TMEM131: variants seen among roughly 807,000 people sequenced by gnomAD.
TMEM131 encodes transmembrane protein 131.
In TMEM131, 66 loss-of-function variants were observed where a neutral mutation model predicts 211.6. The ratio of observed to expected loss-of-function variants is 0.31; its 90% CI spans 0.26 to 0.38. The LOEUF (loss-of-function observed/expected upper bound fraction) is 0.38, where lower values mean the gene tolerates loss of function less well. Ranked by LOEUF, TMEM131 falls within the 10% of genes least tolerant of loss-of-function variation. The pLI is 1.00. For missense variants in TMEM131, 2,036 were observed against 2,299.3 expected (o/e 0.89, Z 2.34); for synonymous variants, 844 against 841.3 (o/e 1.00, Z -0.06).
chr2:97,934,772 A>T (rs1489530248), intron 1 of TMEM131, among the ~76,000 whole-genome samples: 1 of 152,206 alleles, frequency 6.6e-6, no homozygotes, highest in Non-Finnish European at 1.5e-5. Flanking sequence ...AGCTTTTCCA[A>T]CAAATAGCAC....
intron 32 of TMEM131, 67 bp from the exon 33 acceptor site, chr2:97,772,491 A>G: frequency 6.6e-7 from 1 of 1,504,290 alleles, no homozygotes; most frequent in Non-Finnish European, 9.0e-7. Context: ...TTCCATTTTA[A>G]GATACAGACA....
chr2:97,874,782 A>T (rs1185537558), intron 4 of TMEM131, among the ~76,000 whole-genome samples: 2 of 152,246 alleles, frequency 1.3e-5, no homozygotes, highest in Non-Finnish European at 2.9e-5. Context: ...ACTAAATTGT[A>T]AAGAACATCA....
intron 12 of TMEM131, among the ~76,000 whole-genome samples, chr2:97,816,539 T>TCCAA (rs1681835767): frequency 6.6e-6 from 1 of 152,168 alleles, no homozygotes; most frequent in South Asian, 2.1e-4. Context: ...ATGTGTGTCA[T>TCCAA]CCAACCTCAT....
intron 11 of TMEM131, among the ~76,000 whole-genome samples, chr2:97,829,053 C>T (rs779616607): frequency 4.6e-5 from 7 of 152,214 alleles, no homozygotes; most frequent in African/African-American, 7.2e-5. Flanking sequence ...CTAGACAGTT[C>T]CCCTCTGGAG....
chr2:97,797,080 T>C lies in TMEM131; in HGVS notation c.2871-94A>G, dbSNP rs564552436. The C allele has an allele frequency of 6.7e-4, 860 of 1,290,670 alleles. 4 individuals carry two copies. Among genetic ancestry groups the C allele is most frequent in the Admixed American group, 1.1e-3 (42 of 37,600 alleles). The allele number at this position is 1,290,670 out of a possible 1,614,324, so 80.0% of individuals were successfully genotyped here. A position where few individuals can be genotyped will look rare whatever the true frequency, so the allele number is the denominator to read the frequency against. ...TACTGTTATTTTACAGAGCACCACA[T>C]AGAAATTAAATTTAATGGTGAGAAT... On this transcript the variant is annotated intron_variant, in intron 26 of 40. Coordinates refer to ENST00000186436, the MANE Select transcript of TMEM131 (RefSeq NM_015348.2).
At chr2:97,836,808 T>C (rs1289923728) in intron 8 of TMEM131, among the ~76,000 whole-genome samples, 3 of 152,278 alleles carry the variant, frequency 2.0e-5, no homozygotes, top group African/African-American at 7.2e-5. Flanking sequence ...ACCCATATAA[T>C]TCGGAGGAAG....
intron 11 of TMEM131, among the ~76,000 whole-genome samples, chr2:97,823,827 T>C (rs1482389675): frequency 6.6e-6 from 1 of 152,186 alleles, no homozygotes; most frequent in Non-Finnish European, 1.5e-5. Flanking sequence ...CCCAACTCCC[T>C]TGGGGGTCAA....
chr2:97,894,621 G>C (rs1260598047), intron 3 of TMEM131, among the ~76,000 whole-genome samples: 1 of 152,072 alleles, frequency 6.6e-6, no homozygotes, highest in African/African-American at 2.4e-5. Flanking sequence ...TGGATTCCTA[G>C]GTATTTTGTT....
At chr2:97,816,425 A>C (rs1208651790) in intron 12 of TMEM131, among the ~76,000 whole-genome samples, 2 of 152,212 alleles carry the variant, frequency 1.3e-5, no homozygotes, top group Non-Finnish European at 2.9e-5. Flanking sequence ...TACCCATTAG[A>C]TGGTTCTTTT....
chr2:97,917,235 A>C lies in TMEM131; in HGVS notation c.250-8537T>G, dbSNP rs1257907547. ...TTCACACTACGATGACCAAAGTTGAATAGTTGTGATAGAGACCATTCGGGA... is the reference window on the plus strand; with the variant it reads ...TTCACACTACGATGACCAAAGTTGACTAGTTGTGATAGAGACCATTCGGGA... On this transcript the variant is annotated intron_variant, in intron 2 of 40. Coordinates refer to ENST00000186436, the MANE Select transcript of TMEM131 (RefSeq NM_015348.2). Among the ~76,000 whole-genome samples, 5 of 152,342 alleles carry C rather than the reference A, an allele frequency of 3.3e-5. No homozygotes were observed. In the South Asian group the frequency reaches 8.3e-4, roughly 25 times the overall value.
chr2:97,787,106 T>C (rs760278880), intron 31 of TMEM131, among the ~76,000 whole-genome samples: 4 of 152,244 alleles, frequency 2.6e-5, no homozygotes, highest in Non-Finnish European at 5.9e-5. Flanking sequence ...TTGTTTTATA[T>C]GTGCTATGAT....
rs978247844 is a variant in TMEM131, at chr2:97,946,682, C to T, written c.188-19195G>A. ...ATTTAAGGGGAAAAAAAAAATCATA[C>T]GCAAACTCTCCCAGAAACAGGAGAA... is the stretch of plus-strand genomic sequence containing the variant. On this transcript the variant is annotated intron_variant, in intron 1 of 40. Transcript: ENST00000186436. Among the ~76,000 whole-genome samples the T allele has an allele frequency of 4.6e-5, 7 of 151,696 alleles. 1 individual carries two copies. Among genetic ancestry groups the T allele is most frequent in the African/African-American group, 4.8e-5 (2 of 41,432 alleles).
rs749308250 is a variant in TMEM131 at position 97,760,839 on chromosome 2, G to T, written c.4965C>A (p.Gly1655=). 6.2e-6 allele frequency: 10 copies of T among 1,613,934 alleles called. No individual in the cohort carries two copies. Among genetic ancestry groups the T allele is most frequent in the African/African-American group, 1.3e-5 (1 of 74,950 alleles). ...TKAASLPGKN[G]NPTFAAVTAG... ...CCGTGACTGCAGCAAAAGTGGGGTT[G>T]CCGTTCTTGCCCGGGAGCGAGGCTG... is the stretch of plus-strand genomic sequence containing the variant. The change falls in exon 37 of 41, where the codon GGC becomes GGA. Residue 1655 remains glycine (G), a synonymous_variant. Coordinates refer to ENST00000186436, the MANE Select transcript of TMEM131 (RefSeq NM_015348.2).
intron 15 of TMEM131, among the ~76,000 whole-genome samples, chr2:97,813,075 G>A (rs564878850): frequency 1.4e-4 from 22 of 152,280 alleles, no homozygotes; most frequent in African/African-American, 4.8e-4. Flanking sequence ...CATAGTTGAG[G>A]GCTTTGTATG....
chr2:97,767,308 G>T (rs1012548471), intron 33 of TMEM131, among the ~76,000 whole-genome samples: 1 of 152,204 alleles, frequency 6.6e-6, no homozygotes, highest in Non-Finnish European at 1.5e-5. Flanking sequence ...AGCTCAATAA[G>T]TGAGGTAGGA....
intron 31 of TMEM131, among the ~76,000 whole-genome samples, chr2:97,790,517 G>A (rs1215283879): frequency 6.6e-6 from 1 of 152,118 alleles, no homozygotes; most frequent in Non-Finnish European, 1.5e-5. Flanking sequence ...AAATTAAAAA[G>A]CATTTCATTT....
rs142297563 is a variant in TMEM131, at chr2:97,760,628, A to G, written c.5073T>C (p.Ile1691=). 6.2e-7 allele frequency: 1 copy of G among 1,613,204 alleles called. No individual in the cohort carries two copies. Among genetic ancestry groups the G allele is most frequent in the African/African-American group, 1.3e-5 (1 of 75,050 alleles). ...NKTGFSSSLG[I]SHAPVDSDGS... is the part of the protein sequence containing the mutation. ...CATCGCTGTCAACAGGAGCGTGTGA[A>G]ATGCCAAGGCTGCTGGAGAAACCTG... The change falls in exon 38 of 41, where the codon ATT becomes ATC. Residue 1691 remains isoleucine, a synonymous_variant. Coordinates refer to ENST00000186436, the MANE Select transcript of TMEM131 (RefSeq NM_015348.2).
intron 36 of TMEM131, chr2:97,761,126 A>G (rs1449312279): frequency 1.7e-6 from 1 of 576,234 alleles, no homozygotes. Flanking sequence ...AAGAAAACAA[A>G]AGATCACTAT....
At chr2:97,896,947 C>G (rs1046682029) in intron 3 of TMEM131, among the ~76,000 whole-genome samples, 4 of 152,052 alleles carry the variant, frequency 2.6e-5, no homozygotes, top group African/African-American at 7.2e-5. Flanking sequence ...ATCATCTTCA[C>G]AGTCTTCTAA....
Sources: allele counts gnomAD v4.1 joint callset (sites outside exome capture counted in the v4.1 genomes callset), GRCh38; gene constraint gnomAD v4.1.1; transcripts MANE v1.5; gene names NCBI Gene and HGNC (gene_info 2026-07-23, HGNC 2026-07-21).